TPH1: variants seen among roughly 807,000 people sequenced by gnomAD.
TPH1 encodes tryptophan hydroxylase 1.
Under a neutral mutation model 49.5 loss-of-function variants are expected in TPH1, and 37 were observed. That is an observed-to-expected ratio of 0.75 (90% CI 0.58 to 0.98). The LOEUF (loss-of-function observed/expected upper bound fraction) is 0.98, where lower values mean the gene tolerates loss of function less well. TPH1 is among the 50% of genes least tolerant of loss of function. The probability of loss-of-function intolerance (pLI) is 0.00; values close to 1 mark genes in which losing one functional copy is unlikely to be tolerated. For missense variants in TPH1, 487 were observed against 523.6 expected (o/e 0.93, Z 0.68); for synonymous variants, 160 against 182.1 (o/e 0.88, Z 0.98).
Position 18,022,832 on chromosome 11 carries a change from A to T in TPH1, c.1126T>A (p.Ser376Thr). 6.2e-7 allele frequency: 1 copy of T among 1,613,536 alleles called. No individual in the cohort carries two copies. The highest frequency in any genetic ancestry group is 1.3e-5 in the African/African-American group (1 of 75,032). Residue 376 changes from serine (S) to threonine (T), a missense_variant, in exon 10 of 11, where the codon TCT becomes ACT. By Grantham distance (58) the Ser-to-Thr change is moderately conservative. Coordinates refer to ENST00000682019, the MANE Select transcript of TPH1 (RefSeq NM_004179.3). Reference sequence around the variant, plus strand: ...TCCTTTGCATCTTCAAAACTTTCAGATACAAAGTAGACATCTTGAAAAGTT... The same window carrying T: ...TCCTTTGCATCTTCAAAACTTTCAGTTACAAAGTAGACATCTTGAAAAGTT... ...ITTFQDVYFVSESFEDAKEKM... is the reference protein window; with the variant it reads ...ITTFQDVYFVTESFEDAKEKM...
intron 4 of TPH1, among the ~76,000 whole-genome samples, chr11:18,032,537 CTTTTTTTTT>C (rs34366393): frequency 1.0e-4 from 9 of 86,304 alleles, no homozygotes; most frequent in Non-Finnish European, 4.3e-5. Flanking sequence ...TTGTTGAAAT[CTTTTTTTTT>C]TTTTTTTTTT....
intron 9 of TPH1, 47 bp downstream of exon 9, chr11:18,023,841 A>G (rs559586744): frequency 1.9e-5 from 28 of 1,462,294 alleles, no homozygotes; most frequent in African/African-American, 4.2e-5. Flanking sequence ...GGTTTTATCA[A>G]TTATGTTAGG....
chr11:18,032,299 G>T (rs1019503820), intron 4 of TPH1, among the ~76,000 whole-genome samples: 2 of 152,024 alleles, frequency 1.3e-5, no homozygotes, highest in Non-Finnish European at 2.9e-5. Flanking sequence ...TGGGCAGTGT[G>T]GGGGGCAAGT....
At chr11:18,033,136 C>T in intron 4 of TPH1, 138 bp downstream of exon 4, 1 of 701,814 alleles carries the variant, frequency 1.4e-6, no homozygotes, top group East Asian at 2.8e-5. Flanking sequence ...ACCTGTGATC[C>T]CAGCTACTTG....
At chr11:18,040,621 G>A in intron 2 of TPH1, 25 bp downstream of exon 2, 3 of 1,599,672 alleles carry the variant, frequency 1.9e-6, no homozygotes, top group Non-Finnish European at 2.6e-6. Flanking sequence ...GAAGAATTCT[G>A]TGCAAAAATA....
chr11:18,031,463 C>A (rs1381020705), intron 4 of TPH1, among the ~76,000 whole-genome samples: 2 of 152,002 alleles, frequency 1.3e-5, no homozygotes, highest in African/African-American at 4.8e-5. Flanking sequence ...ATTTTCAATT[C>A]TTTTAAGTAT....
In TPH1 at chr11:18,029,597, G is replaced by T. The variant is rs772267645; in HGVS notation, c.403-18C>A. ...TTGAAGCCCTGATAATTAAAGATAT[G>T]TTTTTAAATATCCATACTAAAAAAT... On this transcript the variant is annotated intron_variant, in intron 4 of 10. Coordinates refer to ENST00000682019, the MANE Select transcript of TPH1 (RefSeq NM_004179.3). 6.3e-7 allele frequency: 1 copy of T among 1,593,332 alleles called. No homozygotes were observed. Among genetic ancestry groups the T allele is most frequent in the Admixed American group, 1.7e-5 (1 of 59,668 alleles).
chr11:18,044,681 C>T (rs776949277), intron 1 of TPH1, among the ~76,000 whole-genome samples: 1 of 151,908 alleles, frequency 6.6e-6, no homozygotes, highest in Non-Finnish European at 1.5e-5. Context: ...GCTTTCAGAA[C>T]CTCAATATTT....
At chr11:18,037,312 T>C (rs751983304) in intron 2 of TPH1, among the ~76,000 whole-genome samples, 4 of 151,518 alleles carry the variant, frequency 2.6e-5, no homozygotes, top group Admixed American at 2.0e-4. Context: ...GAGCTGTGAT[T>C]GTGCCACTGC....
chr11:18,018,954 A>T lies in TPH1; in HGVS notation c.*2037T>A, dbSNP rs1854327655. On this transcript the variant is annotated 3_prime_UTR_variant, in exon 11 of 11. Transcript: ENST00000682019. ...TGCTTTTTTTAATTTCTTTTTTTCT[A>T]CATGTTCTAAGATTTGCTATCTATT... The T allele has an allele frequency of 6.6e-6, 1 of 151,728 alleles. No homozygotes were observed. The highest frequency in any genetic ancestry group is 2.4e-5 in the African/African-American group (1 of 41,294). 9.4% of individuals were successfully genotyped at this position (151,728 alleles called of 1,614,324 possible). A position where few individuals can be genotyped will look rare whatever the true frequency, so the allele number is the denominator to read the frequency against.
chr11:18,028,033 A>G (rs1453497219), intron 6 of TPH1, among the ~76,000 whole-genome samples: 1 of 152,228 alleles, frequency 6.6e-6, no homozygotes, highest in African/African-American at 2.4e-5. Context: ...GAGTCACAGC[A>G]TAACTGCTTT....
chr11:18,021,112 G>A lies in TPH1; in HGVS notation c.1214C>T (p.Thr405Ile), dbSNP rs552038410. The stretch of plus-strand genomic sequence containing the variant: ...GTCTTTCAGGATCTGAATACTCCGT[G>A]TATATGGATTATACTTCACTCCAAA... ...RPFGVKYNPYTRSIQILKDTK... is the reference protein window; with the variant it reads ...RPFGVKYNPYIRSIQILKDTK... The change falls in exon 11 of 11, where the codon ACA becomes ATA. Residue 405 changes from threonine (T) to isoleucine (I), a missense_variant. By Grantham distance (89) the Thr-to-Ile change is moderately conservative (BLOSUM62 -1). Coordinates refer to ENST00000682019, the MANE Select transcript of TPH1 (RefSeq NM_004179.3). The A allele has an allele frequency of 1.2e-6, 2 of 1,613,642 alleles. No homozygotes were observed. Among genetic ancestry groups the A allele is most frequent in the East Asian group, 2.2e-5 (1 of 44,878 alleles).
chr11:18,028,668 T>C (rs985971815), intron 6 of TPH1, among the ~76,000 whole-genome samples: 1 of 152,242 alleles, frequency 6.6e-6, no homozygotes, highest in Admixed American at 6.5e-5. Context: ...CTGCAGGTTA[T>C]GATTATCCTT....
chr11:18,041,635 A>G (rs1202429926), intron 1 of TPH1, among the ~76,000 whole-genome samples: 1 of 152,250 alleles, frequency 6.6e-6, no homozygotes, highest in Non-Finnish European at 1.5e-5. Context: ...GGTACCAAGA[A>G]GAGTTAGAGA....
At position 18,026,578 on chromosome 11, in the gene TPH1, T is replaced by C. The variant is rs571611209; in HGVS notation, c.715A>G (p.Arg239Gly). 4 of 1,613,972 alleles carry C rather than the reference T, an allele frequency of 2.5e-6. No individual in the cohort carries two copies. The highest frequency in any genetic ancestry group is 2.2e-5 in the East Asian group (1 of 44,880). ...AAGGCTAAACCTGATAAGAAATCTC[T>C]TGGTGATAAGTAACCAGCCACAGGA... The part of the protein sequence containing the change: ...IRPVAGYLSP[R>G]DFLSGLAFRV... Residue 239 changes from arginine to glycine, a missense_variant, in exon 7 of 11, where the codon AGA (arginine) becomes GGA (glycine). Arg to Gly is a moderately radical substitution (Grantham distance 125, BLOSUM62 -2). Transcript: ENST00000682019.
chr11:18,036,566 G>A (rs1285626945), intron 2 of TPH1, among the ~76,000 whole-genome samples: 1 of 152,162 alleles, frequency 6.6e-6, no homozygotes, highest in Non-Finnish European at 1.5e-5. Flanking sequence ...TGAACAGCTT[G>A]AGCACAGAGT....
intron 2 of TPH1, among the ~76,000 whole-genome samples, chr11:18,037,464 T>C (rs1219555138): frequency 6.6e-6 from 1 of 151,998 alleles, no homozygotes; most frequent in African/African-American, 2.4e-5. Flanking sequence ...TCTGGGAACA[T>C]ATAATTTATC....
Position 18,029,494 on chromosome 11 carries a change from T to G in TPH1, c.470+18A>C. ...TTTATTATCTCAAAGTTGACTATATTTTTTTAAATATACTTACTGTTTATA... is the reference window on the plus strand; with the variant it reads ...TTTATTATCTCAAAGTTGACTATATGTTTTTAAATATACTTACTGTTTATA... On this transcript the variant is annotated intron_variant, in intron 5 of 10. Transcript: ENST00000682019. 6.3e-7 allele frequency: 1 copy of G among 1,598,398 alleles called. No individual in the cohort carries two copies.
chr11:18,025,845 A>G (rs1455764525), intron 7 of TPH1, 144 bp from the exon 8 acceptor site: 1 of 1,294,020 alleles, frequency 7.7e-7, no homozygotes, highest in Non-Finnish European at 1.1e-6. Flanking sequence ...CACTAATCAA[A>G]TAAAGAAACA....
Sources: gnomAD v4.1 joint callset for allele counts (sites outside exome capture counted in the v4.1 genomes callset) on GRCh38, gnomAD v4.1.1 for gene constraint, MANE v1.5 for transcripts, NCBI Gene and HGNC (gene_info 2026-07-23, HGNC 2026-07-21) for gene names.